The following UMAD1 variants were observed in gnomAD, a reference collection of about 807,000 sequenced individuals.
The protein encoded by UMAD1 is UBAP1-MVB12-associated (UMA)-domain containing protein 1.
Under a neutral mutation model 6.1 loss-of-function variants are expected in UMAD1, and 8 were observed. The ratio of observed to expected loss-of-function variants is 1.30; its 90% confidence interval spans 0.76 to 2.35. The LOEUF is 2.35. UMAD1 is among the 30% of genes most tolerant of loss of function. The pLI, the probability that UMAD1 is intolerant of heterozygous loss-of-function variation, is 0.00. For synonymous variants in UMAD1, 56 were observed against 31.4 expected (o/e 1.78, Z -2.61); for missense variants, 130 against 78.4 (o/e 1.66, Z -2.49).
At chr7:7,760,416 AAT>A (rs1781863858) in intron 2 of UMAD1, among the ~76,000 whole-genome samples, 1 of 53,106 alleles carries the variant, frequency 1.9e-5, no homozygotes, top group African/African-American at 9.6e-5. Context: ...AATACAAAAT[AAT>A]AATAATAATA....
intron 2 of UMAD1, among the ~76,000 whole-genome samples, chr7:7,765,133 C>CT (rs1781959890): frequency 6.6e-6 from 1 of 151,948 alleles, no homozygotes; most frequent in South Asian, 2.1e-4. Context: ...TAGCTTTCTA[C>CT]TTATGTCAGT....
chr7:7,849,745 C>A (rs1167927119), intron 3 of UMAD1, among the ~76,000 whole-genome samples: 1 of 152,024 alleles, frequency 6.6e-6, no homozygotes, highest in Non-Finnish European at 1.5e-5. Flanking sequence ...TTACATCAGA[C>A]CATGGTAAGT....
intron 2 of UMAD1, among the ~76,000 whole-genome samples, chr7:7,782,688 C>T (rs973934975): frequency 2.0e-5 from 3 of 151,606 alleles, no homozygotes; most frequent in Non-Finnish European, 4.4e-5. Context: ...ACCGTCTGTG[C>T]CTACAAGCCG....
At chr7:7,746,367 G>A (rs1313590646) in intron 2 of UMAD1, among the ~76,000 whole-genome samples, 1 of 152,200 alleles carries the variant, frequency 6.6e-6, no homozygotes, top group Non-Finnish European at 1.5e-5. Flanking sequence ...ATGTTGAGTT[G>A]AAGGCAAAGA....
chr7:7,694,228 CT>C (rs1780250752), intron 2 of UMAD1, among the ~76,000 whole-genome samples: 1 of 151,874 alleles, frequency 6.6e-6, no homozygotes, highest in Non-Finnish European at 1.5e-5. Flanking sequence ...TTATTGGTAA[CT>C]TTTTATTTTT....
chr7:7,831,580 C>T (rs1220671868), intron 3 of UMAD1, among the ~76,000 whole-genome samples: 7 of 152,072 alleles, frequency 4.6e-5, no homozygotes, highest in Non-Finnish European at 1.0e-4. Flanking sequence ...TTACGTGAAC[C>T]AAGCTCCCCA....
intron 3 of UMAD1, among the ~76,000 whole-genome samples, chr7:7,805,080 T>C (rs981427612): frequency 1.1e-4 from 16 of 152,064 alleles, no homozygotes; most frequent in African/African-American, 3.9e-4. Flanking sequence ...CAAAAATGAG[T>C]CTTATCCAGC....
intron 3 of UMAD1, among the ~76,000 whole-genome samples, chr7:7,803,364 A>G (rs1037708619): frequency 1.3e-5 from 2 of 152,130 alleles, no homozygotes; most frequent in African/African-American, 4.8e-5. Flanking sequence ...AGTCCCAGCT[A>G]CTCAGAAGGC....
intron 2 of UMAD1, among the ~76,000 whole-genome samples, chr7:7,747,948 A>G (rs1427159731): frequency 6.6e-6 from 1 of 152,134 alleles, no homozygotes; most frequent in African/African-American, 2.4e-5. Flanking sequence ...CTAATAAAGT[A>G]TATGTTTTAT....
intron 3 of UMAD1, among the ~76,000 whole-genome samples, chr7:7,870,430 T>G (rs1784312164): frequency 6.6e-6 from 1 of 152,220 alleles, no homozygotes; most frequent in African/African-American, 2.4e-5. Flanking sequence ...TTCTGAAATT[T>G]GGCTATTAAC....
chr7:7,745,170 G>T lies in UMAD1; in HGVS notation c.83-56500G>T, dbSNP rs73352777. On this transcript the variant is annotated intron_variant, in intron 2 of 3. Transcript: ENST00000682710. The stretch of plus-strand genomic sequence containing the variant: ...TTAAGTGGAAGTGGATCATCATAAA[G>T]GTCTTCATTCTTGTTGTCTTCGCTG... Among the ~76,000 whole-genome samples the T allele has an allele frequency of 1.2e-3, 181 of 152,280 alleles. 1 individual carries two copies. The highest frequency in any genetic ancestry group is 4.2e-3 in the African/African-American group (175 of 41,536).
At chr7:7,710,498 A>G (rs1484510682) in intron 2 of UMAD1, among the ~76,000 whole-genome samples, 2 of 152,236 alleles carry the variant, frequency 1.3e-5, no homozygotes, top group Non-Finnish European at 2.9e-5. Flanking sequence ...AATTAAAACC[A>G]TAATGATAGG....
intron 3 of UMAD1, among the ~76,000 whole-genome samples, chr7:7,809,910 G>A (rs1375912705): frequency 6.6e-6 from 1 of 151,904 alleles, no homozygotes; most frequent in Admixed American, 6.6e-5. Flanking sequence ...AAATATCCTT[G>A]AGATTTGTGA....
chr7:7,868,726 A>G (rs1276041376), intron 3 of UMAD1: 1 of 152,218 alleles, frequency 6.6e-6, no homozygotes, highest in Non-Finnish European at 1.5e-5. Context: ...CCTCACTTCT[A>G]GGCAAAACTA....
intron 1 of UMAD1, among the ~76,000 whole-genome samples, chr7:7,661,452 AC>A (rs1785472105): frequency 1.3e-5 from 2 of 152,106 alleles, no homozygotes; most frequent in South Asian, 4.1e-4. Context: ...GGATTCATCT[AC>A]CTTTGGCCTT....
chr7:7,825,289 G>A (rs972960112), intron 3 of UMAD1, among the ~76,000 whole-genome samples: 8 of 152,172 alleles, frequency 5.3e-5, no homozygotes, highest in Non-Finnish European at 7.3e-5. Flanking sequence ...ATACGTTAAA[G>A]TGTAACTCTT....
chr7:7,807,204 G>C (rs1052656343), intron 3 of UMAD1, among the ~76,000 whole-genome samples: 1 of 152,070 alleles, frequency 6.6e-6, no homozygotes, highest in Non-Finnish European at 1.5e-5. Flanking sequence ...GTGAGATTTC[G>C]ATGGAAGAAG....
At chr7:7,675,394 TCTC>T (rs1444625822) in intron 2 of UMAD1, among the ~76,000 whole-genome samples, 1 of 152,166 alleles carries the variant, frequency 6.6e-6, no homozygotes, top group Non-Finnish European at 1.5e-5. Context: ...GCTGCTAAGA[TCTC>T]CTCCAATTTC....
chr7:7,864,243 G>A (rs570180520), intron 3 of UMAD1, among the ~76,000 whole-genome samples: 1 of 152,188 alleles, frequency 6.6e-6, no homozygotes, highest in Non-Finnish European at 1.5e-5. Context: ...TGGTATATTT[G>A]TGGTCACAAA....
Sources: allele counts gnomAD v4.1 joint callset (sites outside exome capture counted in the v4.1 genomes callset), GRCh38; gene constraint gnomAD v4.1.1; transcripts MANE v1.5; gene names NCBI Gene and HGNC (gene_info 2026-07-23, HGNC 2026-07-21).